The following RBFOX1 variants were observed in gnomAD, a reference collection of about 807,000 sequenced individuals.
The protein encoded by RBFOX1 is RNA binding protein fox-1 homolog 1.
A neutral mutation model predicts 57.7 loss-of-function variants in RBFOX1; 8 were observed. The ratio of observed to expected loss-of-function variants is 0.14; its 90% CI spans 0.08 to 0.25. RBFOX1 has a LOEUF of 0.25. RBFOX1 is among the 10% of genes least tolerant of loss of function. RBFOX1 has a pLI of 1.00. For missense variants in RBFOX1, 611 were observed against 548.5 expected (o/e 1.11, Z -1.14); for synonymous variants, 326 against 222.4 (o/e 1.47, Z -4.15).
At chr16:6,319,860 C>G (rs1266832888) in intron 2 of RBFOX1, among the ~76,000 whole-genome samples, 1 of 152,290 alleles carries the variant, frequency 6.6e-6, no homozygotes, top group Non-Finnish European at 1.5e-5. Flanking sequence ...ATTTTCCTAT[C>G]AGGCTAAAAA....
chr16:5,270,864 T>C, intron 1 of RBFOX1: 1 of 414,376 alleles, frequency 2.4e-6, no homozygotes, highest in Non-Finnish European at 4.6e-6. Flanking sequence ...ATGGTGAAGG[T>C]AGTAGTTCTG....
intron 3 of RBFOX1, among the ~76,000 whole-genome samples, chr16:6,660,026 A>G (rs2098691134): frequency 6.6e-6 from 1 of 151,970 alleles, no homozygotes; most frequent in African/African-American, 2.4e-5. Flanking sequence ...GGAGTTCGAG[A>G]CCACCATGGC....
intron 4 of RBFOX1, among the ~76,000 whole-genome samples, chr16:7,057,909 G>A (rs1208765908): frequency 6.6e-6 from 1 of 150,914 alleles, no homozygotes; most frequent in Non-Finnish European, 1.5e-5. Context: ...TCCGGAGGCT[G>A]AGGCAGGAGA....
At chr16:5,631,771 G>T (rs2048515874) in intron 3 of RBFOX1, among the ~76,000 whole-genome samples, 1 of 152,130 alleles carries the variant, frequency 6.6e-6, no homozygotes, top group Non-Finnish European at 1.5e-5. Flanking sequence ...ATTCAATGAA[G>T]TGTCCAGAGT....
intron 2 of RBFOX1, among the ~76,000 whole-genome samples, chr16:6,595,594 T>C (rs927002393): frequency 3.3e-5 from 5 of 152,186 alleles, no homozygotes; most frequent in African/African-American, 1.2e-4. Context: ...AATTTCTGGG[T>C]CATATGGACT....
At chr16:5,869,476 A>G (rs918948067) in intron 4 of RBFOX1, among the ~76,000 whole-genome samples, 51 of 152,292 alleles carry the variant, frequency 3.3e-4, no homozygotes, top group African/African-American at 1.2e-3. Context: ...ATCTCGGCTC[A>G]CTGCAACCTC....
intron 5 of RBFOX1, among the ~76,000 whole-genome samples, chr16:7,578,127 C>G (rs888827601): frequency 6.6e-6 from 1 of 152,182 alleles, no homozygotes; most frequent in Non-Finnish European, 1.5e-5. Context: ...ATTTAAAAAA[C>G]TTGCCATCAT....
chr16:6,624,771 A>G (rs914359638), intron 2 of RBFOX1, among the ~76,000 whole-genome samples: 2 of 152,204 alleles, frequency 1.3e-5, no homozygotes, highest in African/African-American at 4.8e-5. Flanking sequence ...ATGTCAAGTC[A>G]GTGAAGGCAA....
chr16:6,675,862 G>C lies in RBFOX1; in HGVS notation c.-16+21212G>C, dbSNP rs150442185. Among the ~76,000 whole-genome samples, 652 of 152,194 alleles carry C rather than the reference G, an allele frequency of 4.3e-3. 3 individuals are homozygous for C. Among genetic ancestry groups the C allele is most frequent in the Non-Finnish European group, 6.6e-3 (449 of 68,014 alleles). On this transcript the variant is annotated intron_variant, in intron 3 of 15. Coordinates refer to ENST00000550418, the MANE Select transcript of RBFOX1 (RefSeq NM_018723.4). ...ACAAATGGGAATAATGGGAGCTACA[G>C]TTCACGATGAGATTTGGGTGAGGAC...
intron 2 of RBFOX1, among the ~76,000 whole-genome samples, chr16:5,523,306 C>T (rs2044096676): frequency 1.3e-5 from 2 of 151,930 alleles, no homozygotes; most frequent in African/African-American, 4.8e-5. Flanking sequence ...GGAGAGGGGA[C>T]AGGTGTCCCT....
intron 4 of RBFOX1, among the ~76,000 whole-genome samples, chr16:5,979,317 G>A (rs994095383): frequency 6.6e-6 from 1 of 152,188 alleles, no homozygotes; most frequent in African/African-American, 2.4e-5. Flanking sequence ...TTCTGGGAAT[G>A]AATGGGAGAC....
chr16:7,446,954 A>C (rs2098813542), intron 4 of RBFOX1, among the ~76,000 whole-genome samples: 1 of 151,518 alleles, frequency 6.6e-6, no homozygotes, highest in South Asian at 2.1e-4. Context: ...CTGGGACTAC[A>C]GGTGCCCGCC....
At chr16:6,765,985 G>A (rs1464407974) in intron 3 of RBFOX1, among the ~76,000 whole-genome samples, 1 of 152,052 alleles carries the variant, frequency 6.6e-6, no homozygotes, top group Non-Finnish European at 1.5e-5. Context: ...AGATGGGAGG[G>A]TAGAAGGGGG....
chr16:7,473,756 T>G (rs1461076100), intron 4 of RBFOX1, among the ~76,000 whole-genome samples: 1 of 152,072 alleles, frequency 6.6e-6, no homozygotes. Context: ...CCTCCACTTC[T>G]TGGCTGTGTT....
chr16:7,353,005 T>G lies in RBFOX1; in HGVS notation c.28-165142T>G, dbSNP rs918912239. Among the ~76,000 whole-genome samples the G allele has an allele frequency of 2.0e-5, 3 of 152,178 alleles. No homozygotes were observed. In the South Asian group the frequency reaches 6.2e-4, roughly 32 times the overall value. The stretch of plus-strand genomic sequence containing the variant: ...TGCTGAGACTGCAAGTATGAGCCAC[T>G]GCACCCAGCCCATACCACTTTTCCA... On this transcript the variant is annotated intron_variant, in intron 4 of 15. Transcript: ENST00000550418.
intron 3 of RBFOX1, among the ~76,000 whole-genome samples, chr16:5,623,046 T>C (rs2048245744): frequency 6.6e-6 from 1 of 152,002 alleles, no homozygotes; most frequent in Non-Finnish European, 1.5e-5. Flanking sequence ...CATTCATGGG[T>C]TTTGGTATAC....
chr16:5,621,083 G>A (rs370752057), intron 3 of RBFOX1, among the ~76,000 whole-genome samples: 24 of 152,242 alleles, frequency 1.6e-4, no homozygotes, highest in African/African-American at 4.8e-4. Context: ...CTCGTGATCC[G>A]CCTGCCTTGG....
At chr16:5,347,652 C>G (rs1214774781) in intron 1 of RBFOX1, among the ~76,000 whole-genome samples, 10 of 143,860 alleles carry the variant, frequency 7.0e-5, no homozygotes, top group Non-Finnish European at 4.6e-5. Context: ...ATCTACCCAT[C>G]TACCCATCCA....
At position 6,604,870 on chromosome 16, in the gene RBFOX1, A is replaced by C. The variant is rs185811004; in HGVS notation, c.-63-49733A>C. 1.1e-4 allele frequency among the ~76,000 whole-genome samples: 17 copies of C among 152,262 alleles called. No homozygotes were observed. The East Asian group carries it at 3.1e-3, about 28-fold the overall frequency. On this transcript the variant is annotated intron_variant, in intron 2 of 15. Transcript: ENST00000550418. ...AGTAAATGAGCTTGGGCCTGGTGGC[A>C]CACGCCTGTAATCTCAACAGTTTTG... is the stretch of plus-strand genomic sequence containing the variant.
Sources: gnomAD v4.1 joint callset for allele counts (sites outside exome capture counted in the v4.1 genomes callset) on GRCh38, gnomAD v4.1.1 for gene constraint, MANE v1.5 for transcripts, NCBI Gene and HGNC (gene_info 2026-07-23, HGNC 2026-07-21) for gene names.